SMOC1: variants seen among roughly 807,000 people sequenced by gnomAD.
SMOC1 encodes SPARC-related modular calcium-binding protein 1.
Under a neutral mutation model 56.3 loss-of-function variants are expected in SMOC1, and 22 were observed. The ratio of observed to expected loss-of-function variants is 0.39; its 90% CI spans 0.28 to 0.56. The LOEUF is 0.56. SMOC1 is among the 20% of genes least tolerant of loss of function. The probability of loss-of-function intolerance (pLI) is 0.61; values close to 1 mark genes in which losing one functional copy is unlikely to be tolerated. For synonymous variants in SMOC1, 193 were observed against 215.0 expected (o/e 0.90, Z 0.89); for missense variants, 509 against 565.4 (o/e 0.90, Z 1.01).
At chr14:69,914,179 A>G (rs1020501894) in intron 1 of SMOC1, among the ~76,000 whole-genome samples, 1 of 152,198 alleles carries the variant, frequency 6.6e-6, no homozygotes, top group Admixed American at 6.5e-5. Context: ...CGTGATTCTG[A>G]TGCTCCTAAA....
At chr14:69,989,399 G>A (rs1884483565) in intron 5 of SMOC1, among the ~76,000 whole-genome samples, 1 of 152,170 alleles carries the variant, frequency 6.6e-6, no homozygotes, top group African/African-American at 2.4e-5. Flanking sequence ...TTATTGAGTT[G>A]TAAGGTTTAC....
Position 70,013,478 on chromosome 14 carries a change from A to G in SMOC1, c.1033A>G (p.Thr345Ala). 1 of 1,614,136 alleles carries G rather than the reference A, an allele frequency of 6.2e-7. No individual in the cohort carries two copies. The highest frequency in any genetic ancestry group is 8.5e-7 in the Non-Finnish European group (1 of 1,179,996). ...MVQAINSAAP[T>A]GGGRFSEPDP... ...TCAGGCCATTAACTCAGCAGCGCCC[A>G]CTGGAGGTGGGAGGTGAGATTGTGA... The change falls in exon 10 of 12, where the codon ACT (threonine) becomes GCT (alanine). Residue 345 changes from threonine to alanine, a missense_variant. Thr to Ala is a moderately conservative substitution (Grantham distance 58, BLOSUM62 0). This residue lies in a region of SMOC1 where 176 missense variants were observed against 188.1 expected (regional missense o/e 0.94). Transcript: ENST00000361956.
At chr14:69,943,451 G>A (rs770356763) in intron 1 of SMOC1, among the ~76,000 whole-genome samples, 2 of 152,186 alleles carry the variant, frequency 1.3e-5, no homozygotes, top group African/African-American at 2.4e-5. Context: ...TGCAGATGAC[G>A]AATTTGATAG....
chr14:70,027,702 G>A (rs188057343), intron 11 of SMOC1, among the ~76,000 whole-genome samples: 70 of 152,256 alleles, frequency 4.6e-4, no homozygotes, highest in African/African-American at 1.5e-3. Context: ...CTAAGCCTCC[G>A]TTTCCCCATT....
chr14:69,883,597 A>T (rs979624995), intron 1 of SMOC1, among the ~76,000 whole-genome samples: 1 of 152,226 alleles, frequency 6.6e-6, no homozygotes, highest in African/African-American at 2.4e-5. Context: ...ATGGGAGAAC[A>T]GGTATTTCTT....
chr14:69,949,349 T>A (rs1306874894), intron 1 of SMOC1, among the ~76,000 whole-genome samples: 1 of 152,142 alleles, frequency 6.6e-6, no homozygotes, highest in Middle Eastern at 3.2e-3. Flanking sequence ...AGGCATGAGA[T>A]GCTGCTACAG....
chr14:69,928,330 G>A (rs1180422691), intron 1 of SMOC1, among the ~76,000 whole-genome samples: 1 of 152,226 alleles, frequency 6.6e-6, no homozygotes, highest in Non-Finnish European at 1.5e-5. Flanking sequence ...TTCCTTGTCT[G>A]AATCAGAGAT....
At chr14:69,947,087 G>GCCTT (rs35916933) in intron 1 of SMOC1, among the ~76,000 whole-genome samples, 29,282 of 143,326 alleles carry the variant, frequency 0.2, 3,196 homozygotes, top group African/African-American at 0.29. Context: ...TCTCAGGCCG[G>GCCTT]CCTTCCTTCC....
rs974428780 is a variant in SMOC1 at position 69,879,460 on chromosome 14, G to T, written c.-219G>T. On this transcript the variant is annotated 5_prime_UTR_variant, in exon 1 of 12. Transcript: ENST00000361956. ...GCCTGGGCCCCGCCGAGCGGAGCTA[G>T]CGCCGCGCGCAGAGCACACGCTCGC... 1 of 402,328 alleles carries T rather than the reference G, an allele frequency of 2.5e-6. No homozygotes were observed. Among genetic ancestry groups the T allele is most frequent in the Non-Finnish European group, 4.3e-6 (1 of 230,722 alleles). 24.9% of individuals were successfully genotyped at this position (402,328 alleles called of 1,614,324 possible). A position where few individuals can be genotyped will look rare whatever the true frequency, so the allele number is the denominator to read the frequency against.
chr14:69,975,215 T>G (rs763049374), intron 3 of SMOC1, among the ~76,000 whole-genome samples: 31 of 152,062 alleles, frequency 2.0e-4, no homozygotes, highest in Non-Finnish European at 3.8e-4. Flanking sequence ...TGGTGGTGCA[T>G]GCTTGTAATC....
intron 5 of SMOC1, among the ~76,000 whole-genome samples, chr14:69,982,425 T>G (rs1884213430): frequency 6.6e-6 from 1 of 152,120 alleles, no homozygotes; most frequent in Non-Finnish European, 1.5e-5. Context: ...TAGAGCTGGG[T>G]CTACAGGTTG....
chr14:69,919,321 C>T (rs377274198), intron 1 of SMOC1, among the ~76,000 whole-genome samples: 1 of 152,182 alleles, frequency 6.6e-6, no homozygotes, highest in Non-Finnish European at 1.5e-5. Flanking sequence ...CAGCCCCTTT[C>T]CCTCGATTTA....
chr14:69,991,201 G>T (rs1372162347), intron 5 of SMOC1, among the ~76,000 whole-genome samples: 1 of 152,142 alleles, frequency 6.6e-6, no homozygotes, highest in Non-Finnish European at 1.5e-5. Flanking sequence ...AAGGGGTCTT[G>T]AGAAGAGAGG....
At chr14:69,972,319 G>A (rs1883790672) in intron 3 of SMOC1, among the ~76,000 whole-genome samples, 1 of 152,112 alleles carries the variant, frequency 6.6e-6, no homozygotes, top group African/African-American at 2.4e-5. Flanking sequence ...GATTCACTCG[G>A]GGCTCCTTCA....
chr14:69,979,088 A>G (rs943643380), intron 5 of SMOC1, among the ~76,000 whole-genome samples: 1 of 152,074 alleles, frequency 6.6e-6, no homozygotes, highest in Non-Finnish European at 1.5e-5. Context: ...CATGCTCATC[A>G]GGGCCCACGT....
chr14:69,938,963 C>T lies in SMOC1; in HGVS notation c.100-13175C>T, dbSNP rs375746361. Among the ~76,000 whole-genome samples, 5 of 152,282 alleles carry T rather than the reference C, an allele frequency of 3.3e-5. No homozygotes were observed. In the South Asian group the frequency reaches 8.3e-4, roughly 25 times the overall value. Reference sequence around the variant, plus strand: ...TCTTCTCAGTGTGAGGGTGTGTGCACGCATGTCGCTGTGTTCATCTGATGG... The same window carrying T: ...TCTTCTCAGTGTGAGGGTGTGTGCATGCATGTCGCTGTGTTCATCTGATGG... On this transcript the variant is annotated intron_variant, in intron 1 of 11. Coordinates refer to ENST00000361956, the MANE Select transcript of SMOC1 (RefSeq NM_001034852.3).
intron 5 of SMOC1, among the ~76,000 whole-genome samples, chr14:69,987,173 AC>A (rs1884397118): frequency 6.6e-6 from 1 of 152,168 alleles, no homozygotes; most frequent in Admixed American, 6.5e-5. Context: ...CAAAGCAAGA[AC>A]CTTCGAGCAC....
At position 69,919,595 on chromosome 14, in the gene SMOC1, A is replaced by G. The variant is rs551745610; in HGVS notation, c.100-32543A>G. ...GGAGGTATTAAACTTGACAAAACCCATAATTGGTAGCCTTGTGAATGTGAA... is the reference window on the plus strand; with the variant it reads ...GGAGGTATTAAACTTGACAAAACCCGTAATTGGTAGCCTTGTGAATGTGAA... On this transcript the variant is annotated intron_variant, in intron 1 of 11. Transcript: ENST00000361956. 7.3e-4 allele frequency among the ~76,000 whole-genome samples: 111 copies of G among 152,328 alleles called. 1 individual carries two copies. The highest frequency in any genetic ancestry group is 2.6e-3 in the African/African-American group (108 of 41,570).
intron 3 of SMOC1, among the ~76,000 whole-genome samples, chr14:69,958,272 TA>T (rs1287156678): frequency 6.6e-6 from 1 of 152,108 alleles, no homozygotes; most frequent in Non-Finnish European, 1.5e-5. Flanking sequence ...ACCCTGTTTC[TA>T]AAAAGAGAAA....
Sources: allele counts gnomAD v4.1 joint callset (sites outside exome capture counted in the v4.1 genomes callset), GRCh38; gene constraint gnomAD v4.1.1; regional missense constraint gnomAD v4.1.1; transcripts MANE v1.5; gene names NCBI Gene and HGNC (gene_info 2026-07-23, HGNC 2026-07-21).